CATSPERG: variants seen among roughly 807,000 people sequenced by gnomAD.
CATSPERG encodes the protein cation channel sperm-associated auxiliary subunit gamma.
CATSPERG carries 115 observed loss-of-function variants against 145.0 expected under a neutral mutation model. That is an observed-to-expected ratio of 0.79 (90% confidence interval 0.68 to 0.93). The LOEUF (loss-of-function observed/expected upper bound fraction) is 0.93. CATSPERG is among the 40% of genes least tolerant of loss of function. CATSPERG has a pLI of 0.00. For missense variants in CATSPERG, 1,296 were observed against 1,490.1 expected (o/e 0.87, Z 2.14); for synonymous variants, 588 against 589.0 (o/e 1.00, Z 0.02).
chr19:38,368,059 TTA>T lies in CATSPERG; in HGVS notation c.2944_2945del (p.Ile982LeufsTer36). 1 of 1,614,038 alleles carries T rather than the reference TTA, an allele frequency of 6.2e-7. No homozygotes were observed. Among genetic ancestry groups the T allele is most frequent in the Non-Finnish European group, 8.5e-7 (1 of 1,179,996 alleles). On this transcript the variant is annotated frameshift_variant, in exon 26 of 29. Transcript: ENST00000409235. LOFTEE classifies it high-confidence loss of function. ...CTGGGCCTGCACAGGACCAACAGCC[TTA>T]TCTGGACCACGAGGACCACAAGGAC...
At chr19:38,340,898 G>A (rs1280455047) in intron 3 of CATSPERG, among the ~76,000 whole-genome samples, 1 of 145,338 alleles carries the variant, frequency 6.9e-6, no homozygotes, top group Non-Finnish European at 1.5e-5. Flanking sequence ...AGAAAGGAGG[G>A]GGGGGCACTG....
At chr19:38,342,192 A>G (rs1030021820) in intron 3 of CATSPERG, among the ~76,000 whole-genome samples, 1 of 150,370 alleles carries the variant, frequency 6.7e-6, no homozygotes, top group African/African-American at 2.4e-5. Flanking sequence ...CCTGGCCAAC[A>G]TAGCAAGACC....
At chr19:38,340,136 G>C (rs541663456) in intron 3 of CATSPERG, among the ~76,000 whole-genome samples, 29 of 152,212 alleles carry the variant, frequency 1.9e-4, no homozygotes, top group Non-Finnish European at 3.8e-4. Flanking sequence ...CTACAGGCGT[G>C]AGCCACCATG....
intron 8 of CATSPERG, among the ~76,000 whole-genome samples, chr19:38,352,894 A>G (rs146252281): frequency 6.6e-6 from 1 of 151,964 alleles, no homozygotes; most frequent in Non-Finnish European, 1.5e-5. Flanking sequence ...GTCTAGGCAC[A>G]GTGGCTCAGG....
chr19:38,362,337 C>A, intron 18 of CATSPERG, 39 bp from the exon 19 acceptor site: 2 of 1,613,650 alleles, frequency 1.2e-6, no homozygotes, highest in South Asian at 1.1e-5. Flanking sequence ...CGTGCCCCAC[C>A]CCCGGCGCTG....
At position 38,362,469 on chromosome 19, in the gene CATSPERG, G is replaced by A. The variant is rs906404641; in HGVS notation, c.2251G>A (p.Ala751Thr). The A allele has an allele frequency of 1.2e-6, 2 of 1,613,846 alleles. No individual in the cohort carries two copies. The highest frequency in any genetic ancestry group is 2.7e-5 in the African/African-American group (2 of 74,936). The change falls in exon 19 of 29, where the codon GCG (alanine) becomes ACG (threonine). Residue 751 changes from alanine (A) to threonine (T), a missense_variant. By Grantham distance (58) the Ala-to-Thr change is moderately conservative. Transcript: ENST00000409235. ...CGAAAAGATCTACAACCTCGAGTCC[G>A]CGTACGAGCTGCCGGAGCGCATTTT... Reference protein sequence around the residue: ...SYEKIYNLESAYELPERIFLD... With the variant: ...SYEKIYNLESTYELPERIFLD...
rs754996804 is a variant in CATSPERG at position 38,362,456 on chromosome 19, C to T, written c.2238C>T (p.Tyr746=). Residue 746 remains tyrosine (Y), a synonymous_variant, in exon 19 of 29, where the codon TAC becomes TAT. Coordinates refer to ENST00000409235, the MANE Select transcript of CATSPERG (RefSeq NM_021185.5). The part of the protein sequence containing the change: ...SIEMDSYEKI[Y]NLESAYELPE... ...AAATGGACAGCTACGAAAAGATCTA[C>T]AACCTCGAGTCCGCGTACGAGCTGC... The T allele has an allele frequency of 1.9e-6, 3 of 1,613,998 alleles. No individual in the cohort carries two copies. Among genetic ancestry groups the T allele is most frequent in the Non-Finnish European group, 1.7e-6 (2 of 1,180,028 alleles).
intron 1 of CATSPERG, 136 bp downstream of exon 1, chr19:38,336,011 G>A: frequency 3.3e-6 from 1 of 306,634 alleles, no homozygotes. Flanking sequence ...AGTCGTGGGA[G>A]CTGGGAGAGG....
intron 1 of CATSPERG, 147 bp from the exon 2 acceptor site, chr19:38,337,050 GGAGCAAGAGCAGGGGCGGGACCAA>G (rs1422096412): frequency 1.3e-6 from 1 of 771,664 alleles, no homozygotes; most frequent in Middle Eastern, 3.8e-4. Flanking sequence ...GGCAGGGCCA[GGAGCAAGAGCAGGGGCGGGACCAA>G]GAGCAAGTGC....
intron 3 of CATSPERG, among the ~76,000 whole-genome samples, chr19:38,340,726 C>T (rs1385894393): frequency 6.6e-6 from 1 of 151,870 alleles, no homozygotes; most frequent in Non-Finnish European, 1.5e-5. Flanking sequence ...CTGAAGTGAT[C>T]CTCCTGCCTC....
chr19:38,347,219 A>G (rs962448049), intron 7 of CATSPERG, among the ~76,000 whole-genome samples: 7 of 152,096 alleles, frequency 4.6e-5, no homozygotes, highest in African/African-American at 1.7e-4. Context: ...TCAAAAACAA[A>G]CAAACAAAAA....
intron 8 of CATSPERG, 37 bp downstream of exon 8, chr19:38,352,469 G>A: frequency 6.5e-7 from 1 of 1,546,396 alleles, no homozygotes; most frequent in South Asian, 1.2e-5. Flanking sequence ...CCTGGGGAGG[G>A]CACCCTGGTG....
chr19:38,344,882 C>CACACACACACACACACACACACATAT (rs1379988844), intron 6 of CATSPERG, among the ~76,000 whole-genome samples: 1 of 53,324 alleles, frequency 1.9e-5, no homozygotes, highest in African/African-American at 5.2e-5. Context: ...CACACACACA[C>CACACACACACACACACACACACATAT]ATATATATAT....
At chr19:38,360,283 G>A in intron 14 of CATSPERG, 3 of 985,366 alleles carry the variant, frequency 3.0e-6, no homozygotes, top group Non-Finnish European at 3.6e-6. Flanking sequence ...TAGTGTGTGA[G>A]GGCTGGAACC....
chr19:38,350,212 A>G (rs1307933406), intron 7 of CATSPERG, among the ~76,000 whole-genome samples: 1 of 152,182 alleles, frequency 6.6e-6, no homozygotes, highest in Non-Finnish European at 1.5e-5. Flanking sequence ...ATGCCCAGCT[A>G]AACTCAATCA....
At chr19:38,364,364 G>T (rs1970410682) in intron 20 of CATSPERG, among the ~76,000 whole-genome samples, 1 of 152,040 alleles carries the variant, frequency 6.6e-6, no homozygotes, top group Non-Finnish European at 1.5e-5. Flanking sequence ...ATCCCAGACG[G>T]GGCAGCGGGG....
Position 38,370,575 on chromosome 19 carries a change from G to A in CATSPERG, c.3263G>A (p.Cys1088Tyr), listed in dbSNP as rs770766216. The change falls in exon 29 of 29, where the codon TGC becomes TAC. Residue 1088 changes from cysteine to tyrosine, a missense_variant. Physicochemically the swap from Cys to Tyr is radical, Grantham distance 194. Coordinates refer to ENST00000409235, the MANE Select transcript of CATSPERG (RefSeq NM_021185.5). ...CTGGTGATCTTCTACATCGCCTTCT[G>A]CCTCCTGTGGCCCCTCGTGGTGAAG... ...VGLVIFYIAF[C>Y]LLWPLVVKGC... is the part of the protein sequence containing the mutation. 6.8e-6 allele frequency: 11 copies of A among 1,614,158 alleles called. No homozygotes were observed. Among genetic ancestry groups the A allele is most frequent in the East Asian group, 2.2e-5 (1 of 44,880 alleles).
At chr19:38,336,259 C>G (rs751981983) in intron 1 of CATSPERG, 20 of 451,524 alleles carry the variant, frequency 4.4e-5, no homozygotes, top group Non-Finnish European at 7.1e-5. Flanking sequence ...AGGTGTGGGG[C>G]GAGGAAACAA....
chr19:38,336,681 C>T (rs1600436314), intron 1 of CATSPERG: 1 of 239,844 alleles, frequency 4.2e-6, no homozygotes, highest in Non-Finnish European at 8.5e-6. Context: ...TGGAAGTACA[C>T]GGGTGCGATC....
Sources: allele counts gnomAD v4.1 joint callset (sites outside exome capture counted in the v4.1 genomes callset), GRCh38; gene constraint gnomAD v4.1.1; transcripts MANE v1.5; gene names NCBI Gene and HGNC (gene_info 2026-07-23, HGNC 2026-07-21).